The following ADAMTSL3 variants were observed in gnomAD, a reference collection of about 807,000 sequenced individuals.
The protein encoded by ADAMTSL3 is ADAMTS like 3.
Under a neutral mutation model 201.7 loss-of-function variants are expected in ADAMTSL3, and 128 were observed. The ratio of observed to expected loss-of-function variants is 0.63; its 90% confidence interval spans 0.55 to 0.73. The LOEUF is 0.73. ADAMTSL3 is among the 30% of genes least tolerant of loss of function. The pLI is 0.00. For synonymous variants in ADAMTSL3, 738 were observed against 748.4 expected (o/e 0.99, Z 0.23); for missense variants, 1,990 against 2,119.6 (o/e 0.94, Z 1.20).
intron 17 of ADAMTSL3, among the ~76,000 whole-genome samples, chr15:83,934,432 C>G (rs535136049): frequency 6.6e-6 from 1 of 152,306 alleles, no homozygotes; most frequent in East Asian, 1.9e-4. Flanking sequence ...AAGTAACTAA[C>G]TTGATTTTCA....
intron 25 of ADAMTSL3, among the ~76,000 whole-genome samples, chr15:84,021,208 C>T (rs916136424): frequency 3.3e-5 from 5 of 152,250 alleles, no homozygotes; most frequent in Non-Finnish European, 7.4e-5. Context: ...CCATTCTGGC[C>T]GCCATTCTCA....
intron 9 of ADAMTSL3, among the ~76,000 whole-genome samples, chr15:83,884,431 T>G (rs1194399875): frequency 6.7e-6 from 1 of 148,202 alleles, no homozygotes; most frequent in Non-Finnish European, 1.5e-5. Flanking sequence ...TGTGGCACCA[T>G]GCTGGGCTAA....
intron 6 of ADAMTSL3, among the ~76,000 whole-genome samples, chr15:83,831,602 C>T (rs1020366191): frequency 1.3e-5 from 2 of 152,160 alleles, no homozygotes; most frequent in African/African-American, 2.4e-5. Context: ...TATCATGGCT[C>T]ATTGCAGCCT....
chr15:83,902,505 C>T (rs561626642), intron 15 of ADAMTSL3, among the ~76,000 whole-genome samples: 2 of 152,112 alleles, frequency 1.3e-5, no homozygotes, highest in African/African-American at 4.8e-5. Flanking sequence ...CTCCTGAGCT[C>T]GTGATCCACC....
intron 3 of ADAMTSL3, among the ~76,000 whole-genome samples, chr15:83,732,708 A>G (rs1010624330): frequency 1.3e-5 from 2 of 152,170 alleles, no homozygotes; most frequent in Non-Finnish European, 2.9e-5. Context: ...CATTTCATGG[A>G]AATGGAATTT....
chr15:83,808,953 G>C (rs79312638), intron 5 of ADAMTSL3, among the ~76,000 whole-genome samples: 2,993 of 151,366 alleles, frequency 0.02, 41 homozygotes, highest in Middle Eastern at 0.058. Flanking sequence ...CTTAAAAGTA[G>C]GCAATAAACC....
At position 83,970,421 on chromosome 15, in the gene ADAMTSL3, T is replaced by C; in HGVS notation, c.2491-63T>C. 4 of 1,594,866 alleles carry C rather than the reference T, an allele frequency of 2.5e-6. No homozygotes were observed. In the South Asian group the frequency reaches 4.5e-5, roughly 18 times the overall value. ...CTTGTTTCACCCTTGGAGACTTTGC[T>C]GTTGTTGGCTGGGTCTGCCTGCTCA... On this transcript the variant is annotated intron_variant, in intron 19 of 29. Coordinates refer to ENST00000286744, the MANE Select transcript of ADAMTSL3 (RefSeq NM_207517.3).
chr15:83,822,968 G>C (rs558085307), intron 6 of ADAMTSL3, among the ~76,000 whole-genome samples: 2 of 152,142 alleles, frequency 1.3e-5, no homozygotes, highest in Non-Finnish European at 2.9e-5. Context: ...GGAGGCTGGC[G>C]GATCACTCGC....
At chr15:83,790,639 C>G (rs1290135343) in intron 4 of ADAMTSL3, among the ~76,000 whole-genome samples, 1 of 152,096 alleles carries the variant, frequency 6.6e-6, no homozygotes, top group African/African-American at 2.4e-5. Context: ...AGACTGAACA[C>G]TTTCCCCCTA....
intron 3 of ADAMTSL3, among the ~76,000 whole-genome samples, chr15:83,758,553 T>C (rs2062756731): frequency 6.6e-6 from 1 of 152,192 alleles, no homozygotes; most frequent in African/African-American, 2.4e-5. Context: ...TTTTCCTGTT[T>C]GTTTGTTTTA....
chr15:83,823,198 G>C (rs1567168837), intron 6 of ADAMTSL3, among the ~76,000 whole-genome samples: 1 of 137,126 alleles, frequency 7.3e-6, no homozygotes, highest in African/African-American at 2.9e-5. Context: ...GAGAGGGAGA[G>C]GGTGAGGGAG....
At chr15:83,754,272 A>T (rs1669178882) in intron 3 of ADAMTSL3, among the ~76,000 whole-genome samples, 1 of 152,172 alleles carries the variant, frequency 6.6e-6, no homozygotes, top group South Asian at 2.1e-4. Context: ...TGAGGCTGGA[A>T]GTTAATAATC....
Position 84,016,321 on chromosome 15 carries a change from A to G in ADAMTSL3, c.4157-62A>G, listed in dbSNP as rs2068085874. 6 of 1,347,104 alleles carry G rather than the reference A, an allele frequency of 4.5e-6. 1 individual carries two copies. In the Admixed American group the frequency reaches 8.6e-5, roughly 19 times the overall value. The allele number at this position is 1,347,104 out of a possible 1,614,324, so 83.4% of individuals were successfully genotyped here. ...CTAATAGCTGTCTTTAAGAACACCC[A>G]AGCTGGACCAATAATTAGATAATGT... On this transcript the variant is annotated intron_variant, in intron 24 of 29. Transcript: ENST00000286744.
At chr15:83,884,965 T>G (rs2065357229) in intron 9 of ADAMTSL3, 136 bp from the exon 10 acceptor site, 1 of 600,966 alleles carries the variant, frequency 1.7e-6, no homozygotes, top group African/African-American at 1.9e-5. Flanking sequence ...TTAAACTTAT[T>G]GGACTCTTGC....
chr15:83,669,820 C>T (rs758416235), intron 2 of ADAMTSL3, among the ~76,000 whole-genome samples: 82 of 152,074 alleles, frequency 5.4e-4, no homozygotes, highest in Non-Finnish European at 1.1e-3. Flanking sequence ...GCAGGCTTTT[C>T]TTTAAGGCAG....
chr15:83,655,391 C>G (rs768113485), intron 1 of ADAMTSL3, among the ~76,000 whole-genome samples: 11 of 152,202 alleles, frequency 7.2e-5, no homozygotes, highest in Non-Finnish European at 1.5e-4. Flanking sequence ...CTAGCCTAAA[C>G]CTTGGCTCTG....
chr15:83,789,547 A>G (rs763997656), intron 4 of ADAMTSL3, among the ~76,000 whole-genome samples: 1 of 151,980 alleles, frequency 6.6e-6, no homozygotes, highest in Non-Finnish European at 1.5e-5. Flanking sequence ...CTGGAGGGAG[A>G]TGTGGCCAGT....
chr15:83,727,692 T>C (rs141591971), intron 3 of ADAMTSL3, among the ~76,000 whole-genome samples: 250 of 152,196 alleles, frequency 1.6e-3, no homozygotes, highest in African/African-American at 4.0e-3. Context: ...CCTCTTGTTA[T>C]TGATTTCTAG....
intron 4 of ADAMTSL3, among the ~76,000 whole-genome samples, chr15:83,799,994 T>C (rs953752718): frequency 1.3e-5 from 2 of 152,006 alleles, no homozygotes; most frequent in Non-Finnish European, 2.9e-5. Flanking sequence ...AAGTAGTCTT[T>C]CATTTTCATA....
Sources: allele counts gnomAD v4.1 joint callset (sites outside exome capture counted in the v4.1 genomes callset), GRCh38; gene constraint gnomAD v4.1.1; transcripts MANE v1.5; gene names NCBI Gene and HGNC (gene_info 2026-07-23, HGNC 2026-07-21).